Variants in SH3BP2 observed in about 807,000 individuals in gnomAD.
The protein encoded by SH3BP2 is SH3 domain-binding protein 2.
In SH3BP2, 38 loss-of-function variants were observed where a neutral mutation model predicts 56.2. That is an observed-to-expected ratio of 0.68 (90% CI 0.52 to 0.89). The LOEUF is 0.89. Ranked by LOEUF, SH3BP2 falls within the 40% of genes least tolerant of loss-of-function variation. The pLI is 0.00. For missense variants in SH3BP2, 748 were observed against 762.6 expected (o/e 0.98, Z 0.23); for synonymous variants, 346 against 316.7 (o/e 1.09, Z -0.98).
intron 1 of SH3BP2, among the ~76,000 whole-genome samples, chr4:2,797,298 G>A (rs190160): frequency 0.4 from 60,347 of 152,030 alleles, 13,404 homozygotes; most frequent in East Asian, 0.51. Context: ...AGCCTTGGGA[G>A]TCTGGGGCAG....
At position 2,802,484 on chromosome 4, in the gene SH3BP2, ATG is replaced by A. The variant is rs1491177538; in HGVS notation, c.-5+9350_-5+9351del. ...TGTATATATGTGTATGTGTATATATATGTGTATATGTATATATATGTTTGTAT... is the reference window on the plus strand; with the variant it reads ...TGTATATATGTGTATGTGTATATATATGTATATGTATATATATGTTTGTAT... On this transcript the variant is annotated intron_variant, in intron 1 of 12. Transcript: ENST00000503393. 9.4e-5 allele frequency among the ~76,000 whole-genome samples: 14 copies of A among 149,242 alleles called. 1 individual carries two copies. The highest frequency in any genetic ancestry group is 8.8e-4 in the Admixed American group (13 of 14,762).
At chr4:2,801,836 G>A (rs999296225) in intron 1 of SH3BP2, among the ~76,000 whole-genome samples, 1 of 152,242 alleles carries the variant, frequency 6.6e-6, no homozygotes, top group South Asian at 2.1e-4. Context: ...AGCCAGGCGT[G>A]GTGGCTCATG....
chr4:2,799,251 C>G (rs1673935549), intron 1 of SH3BP2: 1 of 985,316 alleles, frequency 1.0e-6, no homozygotes. Context: ...TCGGGACCCT[C>G]ACCGCGACTG....
rs1289070510 is a variant in SH3BP2, at chr4:2,833,919, G to A, written c.*85G>A. On this transcript the variant is annotated 3_prime_UTR_variant, in exon 13 of 13. Transcript: ENST00000503393. ...CAGACGGACATGGGCCCACATGGGA[G>A]GGTGAGCAGGAGCAAGGCTGTGCTT... The A allele has an allele frequency of 5.5e-6, 8 of 1,447,808 alleles. No individual in the cohort carries two copies. The African/African-American group carries it at 9.8e-5, about 18-fold the overall frequency. The allele number at this position is 1,447,808 out of a possible 1,614,324, so 89.7% of individuals were successfully genotyped here.
chr4:2,824,097 A>T (rs1274432604), intron 3 of SH3BP2, among the ~76,000 whole-genome samples: 1 of 152,202 alleles, frequency 6.6e-6, no homozygotes, highest in East Asian at 1.9e-4. Context: ...TATGGGCCGT[A>T]TAAGTGCACC....
At chr4:2,794,731 C>T (rs1723006320) in intron 1 of SH3BP2, among the ~76,000 whole-genome samples, 1 of 152,208 alleles carries the variant, frequency 6.6e-6, no homozygotes, top group African/African-American at 2.4e-5. Context: ...AGGAGGCTGG[C>T]CTGAAGAGGC....
At position 2,834,074 on chromosome 4, in the gene SH3BP2, C is replaced by T; in HGVS notation, c.*240C>T. ...CTCTGTTGCCCCACACTAACTTGCC[C>T]TGTCCCAATCCCAGAAACCCAGGAC... On this transcript the variant is annotated 3_prime_UTR_variant, in exon 13 of 13. Transcript: ENST00000503393. 3 of 542,018 alleles carry T rather than the reference C, an allele frequency of 5.5e-6. No homozygotes were observed. The highest frequency in any genetic ancestry group is 3.1e-5 in the East Asian group (1 of 32,726). The allele number at this position is 542,018 out of a possible 1,614,324, so 33.6% of individuals were successfully genotyped here.
At chr4:2,832,266 C>A in intron 10 of SH3BP2, 65 bp from the exon 11 acceptor site, 1 of 1,338,242 alleles carries the variant, frequency 7.5e-7, no homozygotes, top group Non-Finnish European at 1.1e-6. Flanking sequence ...GGGAGCGGGG[C>A]GGGAAGGTCC....
intron 2 of SH3BP2, among the ~76,000 whole-genome samples, chr4:2,822,059 C>T (rs1318240703): frequency 4.7e-5 from 7 of 150,504 alleles, no homozygotes; most frequent in South Asian, 2.1e-4. Flanking sequence ...GTAGAGACAG[C>T]GTTTCACCAT....
At chr4:2,799,215 G>A (rs975999016) in intron 1 of SH3BP2, 1 of 985,402 alleles carries the variant, frequency 1.0e-6, no homozygotes. Flanking sequence ...GGACCCTGGG[G>A]GTGGAATCTC....
Position 2,824,698 on chromosome 4 carries a change from T to G in SH3BP2, c.325T>G (p.Phe109Val). The G allele has an allele frequency of 6.2e-7, 1 of 1,613,890 alleles. No individual in the cohort carries two copies. Among genetic ancestry groups the G allele is most frequent in the Middle Eastern group, 1.6e-4 (1 of 6,062 alleles). ...IHISKKHRTWFFSASSEEERK... is the reference protein window; with the variant it reads ...IHISKKHRTWVFSASSEEERK... ...TATCAGCAAGAAGCACCGCACGTGG[T>G]TCTTCTCGGCCTCCTCCGAGGAGGA... Residue 109 changes from phenylalanine to valine, a missense_variant, in exon 4 of 13, where the codon TTC (phenylalanine) becomes GTC (valine). Physicochemically the swap from Phe to Val is conservative, Grantham distance 50. This residue lies in a region of SH3BP2 where 635 missense variants were observed against 615.0 expected (regional missense o/e 1.03). Transcript: ENST00000503393.
At chr4:2,814,498 G>GCACA (rs34086288) in intron 1 of SH3BP2, among the ~76,000 whole-genome samples, 18 of 151,464 alleles carry the variant, frequency 1.2e-4, no homozygotes, top group Admixed American at 7.9e-4. Context: ...ATGTGCATGT[G>GCACA]CACACACACA....
At chr4:2,833,176 C>T in intron 12 of SH3BP2, 127 bp downstream of exon 12, 1 of 827,074 alleles carries the variant, frequency 1.2e-6, no homozygotes, top group Non-Finnish European at 2.1e-6. Flanking sequence ...ACCGCCCTCC[C>T]CTTCCCCTCC....
At chr4:2,803,676 AC>A (rs1406099500) in intron 1 of SH3BP2, among the ~76,000 whole-genome samples, 1 of 151,782 alleles carries the variant, frequency 6.6e-6, no homozygotes. Context: ...TCTAACTAAG[AC>A]CCACCTCTGT....
At chr4:2,807,431 G>A (rs1723578598) in intron 1 of SH3BP2, among the ~76,000 whole-genome samples, 1 of 152,146 alleles carries the variant, frequency 6.6e-6, no homozygotes, top group Non-Finnish European at 1.5e-5. Flanking sequence ...TGCCCATCTG[G>A]GCCTTGGAGA....
At chr4:2,799,458 T>G (rs746742603) in intron 1 of SH3BP2, among the ~76,000 whole-genome samples, 1 of 152,164 alleles carries the variant, frequency 6.6e-6, no homozygotes, top group Non-Finnish European at 1.5e-5. Context: ...TTCTTGAGGA[T>G]GTGACCAGGA....
intron 1 of SH3BP2, among the ~76,000 whole-genome samples, chr4:2,793,444 C>T (rs1326946895): frequency 6.7e-6 from 1 of 149,758 alleles, no homozygotes; most frequent in South Asian, 2.1e-4. Flanking sequence ...CCGGGGCCTC[C>T]GTGTCCTTGC....
chr4:2,837,692 CCT>C lies in SH3BP2; in HGVS notation c.*3861_*3862del, dbSNP rs1383372717. On this transcript the variant is annotated 3_prime_UTR_variant, in exon 13 of 13. Coordinates refer to ENST00000503393, the MANE Select transcript of SH3BP2 (RefSeq NM_001122681.2). Reference sequence around the variant, plus strand: ...GAGGGGAATGGGGGAAGGGCCACAACCTCTGTTTCTGTGACCCAGCAGCATCA... The same window carrying C: ...GAGGGGAATGGGGGAAGGGCCACAACCTGTTTCTGTGACCCAGCAGCATCA... 6.6e-6 allele frequency: 1 copy of C among 152,574 alleles called. No homozygotes were observed. The highest frequency in any genetic ancestry group is 2.4e-5 in the African/African-American group (1 of 41,444). The allele number at this position is 152,574 out of a possible 1,614,324, so 9.5% of individuals were successfully genotyped here.
At chr4:2,825,506 G>A (rs1724562910) in intron 5 of SH3BP2, among the ~76,000 whole-genome samples, 1 of 149,970 alleles carries the variant, frequency 6.7e-6, no homozygotes, top group African/African-American at 2.5e-5. Flanking sequence ...ACGTGGACAT[G>A]CACACACACA....
Sources: allele counts gnomAD v4.1 joint callset (sites outside exome capture counted in the v4.1 genomes callset), GRCh38; gene constraint gnomAD v4.1.1; regional missense constraint gnomAD v4.1.1; transcripts MANE v1.5; gene names NCBI Gene and HGNC (gene_info 2026-07-23, HGNC 2026-07-21).